The following PRORP variants were observed in gnomAD, a reference collection of about 807,000 sequenced individuals.
PRORP encodes mitochondrial ribonuclease P catalytic subunit.
In PRORP, 51 loss-of-function variants were observed where a neutral mutation model predicts 59.4. The ratio of observed to expected loss-of-function variants is 0.86; its 90% CI spans 0.69 to 1.08. PRORP has a LOEUF of 1.08. Ranked by LOEUF, PRORP falls within the 50% of genes least tolerant of loss-of-function variation. The pLI is 0.00. For missense variants in PRORP, 646 were observed against 690.3 expected (o/e 0.94, Z 0.72); for synonymous variants, 231 against 245.6 (o/e 0.94, Z 0.55).
At chr14:35,243,248 A>G (rs2050406005) in intron 5 of PRORP, among the ~76,000 whole-genome samples, 1 of 152,190 alleles carries the variant, frequency 6.6e-6, no homozygotes, top group Admixed American at 6.5e-5. Flanking sequence ...AATAAAGGAC[A>G]GGACCCGGTA....
intron 5 of PRORP, among the ~76,000 whole-genome samples, chr14:35,236,923 T>C: frequency 6.7e-6 from 1 of 149,672 alleles, no homozygotes; most frequent in African/African-American, 2.5e-5. Context: ...TCTTCTTTCT[T>C]TCTCTCTCTT....
intron 5 of PRORP, among the ~76,000 whole-genome samples, chr14:35,246,353 C>T (rs2050483956): frequency 6.6e-6 from 1 of 152,148 alleles, no homozygotes; most frequent in Admixed American, 6.6e-5. Context: ...CTATCTCCTA[C>T]CCCAGCAAAA....
At chr14:35,129,076 C>T (rs964561552) in intron 4 of PRORP, among the ~76,000 whole-genome samples, 2 of 151,108 alleles carry the variant, frequency 1.3e-5, no homozygotes, top group Non-Finnish European at 1.5e-5. Flanking sequence ...GGCATGGCGG[C>T]GCACGCTGGT....
At chr14:35,236,538 C>T (rs979929413) in intron 5 of PRORP, among the ~76,000 whole-genome samples, 3 of 152,178 alleles carry the variant, frequency 2.0e-5, no homozygotes, top group African/African-American at 7.2e-5. Flanking sequence ...TCCTAATTGC[C>T]AGTTTTGATG....
intron 5 of PRORP, among the ~76,000 whole-genome samples, chr14:35,257,803 C>T (rs1426745864): frequency 1.3e-5 from 2 of 152,132 alleles, no homozygotes; most frequent in Non-Finnish European, 2.9e-5. Context: ...TCAGGAAGTG[C>T]CATAGACTGC....
chr14:35,174,752 T>C (rs1282944158), intron 4 of PRORP, among the ~76,000 whole-genome samples: 1 of 41,910 alleles, frequency 2.4e-5, no homozygotes, highest in African/African-American at 5.9e-5. Context: ...TTTTTTTTCT[T>C]TTTTTTTTTT....
intron 4 of PRORP, among the ~76,000 whole-genome samples, chr14:35,138,168 A>G (rs946093552): frequency 6.9e-6 from 1 of 145,154 alleles, no homozygotes; most frequent in African/African-American, 2.4e-5. Flanking sequence ...TATTCCTGGT[A>G]TCATCTTTGT....
intron 5 of PRORP, among the ~76,000 whole-genome samples, chr14:35,239,755 C>A (rs1675719603): frequency 1.3e-5 from 2 of 152,144 alleles, no homozygotes; most frequent in South Asian, 4.1e-4. Flanking sequence ...AACCAAGGGT[C>A]TTCTGCTCTG....
At chr14:35,172,820 C>T (rs1027136119) in intron 4 of PRORP, among the ~76,000 whole-genome samples, 3 of 151,696 alleles carry the variant, frequency 2.0e-5, no homozygotes, top group Admixed American at 6.6e-5. Context: ...CCTGCCTTGG[C>T]GTCCCAAAGT....
chr14:35,207,517 A>G (rs1429355847), intron 5 of PRORP, among the ~76,000 whole-genome samples: 2 of 152,146 alleles, frequency 1.3e-5, no homozygotes, highest in African/African-American at 2.4e-5. Context: ...TCCTTTTTCT[A>G]CTATTCCATG....
chr14:35,234,144 G>T (rs2050147577), intron 5 of PRORP, among the ~76,000 whole-genome samples: 1 of 152,140 alleles, frequency 6.6e-6, no homozygotes, highest in South Asian at 2.1e-4. Context: ...GTAATTCTTT[G>T]TGCATGTAGG....
intron 5 of PRORP, among the ~76,000 whole-genome samples, chr14:35,225,691 GC>G (rs2049916632): frequency 6.6e-6 from 1 of 151,622 alleles, no homozygotes; most frequent in South Asian, 2.1e-4. Flanking sequence ...TTTTTTGGTA[GC>G]CATGACATCT....
intron 4 of PRORP, among the ~76,000 whole-genome samples, chr14:35,177,607 T>A (rs1488614646): frequency 2.6e-5 from 4 of 152,214 alleles, no homozygotes; most frequent in Non-Finnish European, 5.9e-5. Context: ...TATCATTTTT[T>A]ATTGTGTCTA....
chr14:35,127,528 C>G lies in PRORP; in HGVS notation c.1084C>G (p.Pro362Ala), dbSNP rs1240316806. Reference sequence around the variant, plus strand: ...AACCATAGAGTCTATTCAGCTGAGTCCAGAAGAATATGAATGTCTTAAGGG... The same window carrying G: ...AACCATAGAGTCTATTCAGCTGAGTGCAGAAGAATATGAATGTCTTAAGGG... Reference protein sequence around the residue: ...GKTIESIQLSPEEYECLKGKI... With the variant: ...GKTIESIQLSAEEYECLKGKI... Residue 362 changes from proline to alanine, a missense_variant, in exon 4 of 8, where the codon CCA becomes GCA. Coordinates refer to ENST00000534898, the MANE Select transcript of PRORP (RefSeq NM_014672.4). 3 of 1,611,932 alleles carry G rather than the reference C, an allele frequency of 1.9e-6. No individual in the cohort carries two copies. Among genetic ancestry groups the G allele is most frequent in the East Asian group, 4.5e-5 (2 of 44,834 alleles).
intron 5 of PRORP, among the ~76,000 whole-genome samples, chr14:35,259,899 T>TA (rs1555333133): frequency 6.0e-5 from 9 of 150,690 alleles, no homozygotes; most frequent in African/African-American, 1.5e-4. Flanking sequence ...TCTCAAAAAA[T>TA]AAATAAAATA....
chr14:35,241,076 T>G (rs547871315), intron 5 of PRORP, among the ~76,000 whole-genome samples: 1 of 152,242 alleles, frequency 6.6e-6, no homozygotes, highest in African/African-American at 2.4e-5. Context: ...TAGAGATGAT[T>G]TTAAATATAT....
At chr14:35,242,659 T>TCTAG (rs940711719) in intron 5 of PRORP, among the ~76,000 whole-genome samples, 23 of 152,232 alleles carry the variant, frequency 1.5e-4, no homozygotes, top group African/African-American at 5.1e-4. Flanking sequence ...TTTTCATCTA[T>TCTAG]CTAGCTAGCT....
In PRORP at chr14:35,211,355, T is replaced by C. The variant is rs551854608; in HGVS notation, c.1275+30578T>C. The stretch of plus-strand genomic sequence containing the variant: ...TGTAAGTTCTGTGAGAACAGAGACT[T>C]GGCCTCTTTTATTTACTGCTATATT... On this transcript the variant is annotated intron_variant, in intron 5 of 7. Transcript: ENST00000534898. Among the ~76,000 whole-genome samples the C allele has an allele frequency of 3.3e-5, 5 of 152,336 alleles. No individual in the cohort carries two copies. In the East Asian group the frequency reaches 9.6e-4, roughly 29 times the overall value.
At chr14:35,234,506 A>G (rs1254542095) in intron 5 of PRORP, among the ~76,000 whole-genome samples, 1 of 152,150 alleles carries the variant, frequency 6.6e-6, no homozygotes, top group Non-Finnish European at 1.5e-5. Flanking sequence ...ATGCAGTAAG[A>G]CACTCTTTCA....
Sources: allele counts gnomAD v4.1 joint callset (sites outside exome capture counted in the v4.1 genomes callset), GRCh38; gene constraint gnomAD v4.1.1; transcripts MANE v1.5; gene names NCBI Gene and HGNC (gene_info 2026-07-23, HGNC 2026-07-21).